Variants in FAF1 observed in about 807,000 individuals in gnomAD.
The protein encoded by FAF1 is Fas associated factor 1.
In FAF1, 25 loss-of-function variants were observed where a neutral mutation model predicts 92.5. That is an observed-to-expected ratio of 0.27 (90% CI 0.20 to 0.38). FAF1 has a LOEUF of 0.38. Ranked by LOEUF, FAF1 falls within the 10% of genes least tolerant of loss-of-function variation. The pLI is 1.00. For synonymous variants in FAF1, 234 were observed against 273.2 expected, an observed-to-expected ratio of 0.86 and a Z score of 1.42; for missense variants, 636 against 793.3, an observed-to-expected ratio of 0.80 and a Z score of 2.38.
chr1:50,939,976 T>C (rs1187602121), intron 1 of FAF1, among the ~76,000 whole-genome samples: 2 of 152,230 alleles, frequency 1.3e-5, no homozygotes, highest in Non-Finnish European at 2.9e-5. Flanking sequence ...AGTGGCATGA[T>C]CTCAGCTCAC....
intron 13 of FAF1, among the ~76,000 whole-genome samples, chr1:50,565,662 C>T (rs1019825488): frequency 2.0e-5 from 3 of 151,924 alleles, no homozygotes; most frequent in Admixed American, 6.6e-5. Context: ...AAAAAAGAAA[C>T]CCTCAAACAC....
chr1:50,770,266 C>T (rs983467829), intron 4 of FAF1, among the ~76,000 whole-genome samples: 17 of 152,196 alleles, frequency 1.1e-4, no homozygotes, highest in Middle Eastern at 3.4e-3. Context: ...AGCAATCAGG[C>T]AAGAGAAAGA....
intron 1 of FAF1, among the ~76,000 whole-genome samples, chr1:50,909,416 T>C (rs1644866321): frequency 6.6e-6 from 1 of 152,242 alleles, no homozygotes; most frequent in Non-Finnish European, 1.5e-5. Flanking sequence ...ATTTGAATGT[T>C]GGCCTGCCTT....
At chr1:50,584,589 GGTCA>G (rs894211617) in intron 10 of FAF1, 92 bp downstream of exon 10, 2 of 1,178,210 alleles carry the variant, frequency 1.7e-6, no homozygotes, top group African/African-American at 3.1e-5. Context: ...CAAACCTGGA[GGTCA>G]GTAAGAGATG....
intron 1 of FAF1, among the ~76,000 whole-genome samples, chr1:50,862,895 T>C (rs1280330502): frequency 6.6e-6 from 1 of 151,868 alleles, no homozygotes; most frequent in Non-Finnish European, 1.5e-5. Flanking sequence ...ATAAAAGCTC[T>C]AGGAAATGAG....
rs547013841 is a variant in FAF1, at chr1:50,560,120, G to A, written c.1268+6957C>T. Among the ~76,000 whole-genome samples the A allele has an allele frequency of 3.9e-5, 6 of 152,294 alleles. No homozygotes were observed. In the South Asian group the frequency reaches 1.2e-3, roughly 32 times the overall value. ...GCTATATTTGCCAGATCAAATGGAA[G>A]TGTAGGGTTAGAGTAACATGGTCAG... On this transcript the variant is annotated intron_variant, in intron 13 of 18. Transcript: ENST00000396153.
At chr1:50,629,223 G>A (rs898922268) in intron 8 of FAF1, among the ~76,000 whole-genome samples, 3 of 144,254 alleles carry the variant, frequency 2.1e-5, no homozygotes, top group African/African-American at 7.9e-5. Flanking sequence ...AGGCTGGAGT[G>A]CAATGGTGCG....
intron 8 of FAF1, among the ~76,000 whole-genome samples, chr1:50,604,820 C>T (rs1047940928): frequency 6.6e-6 from 1 of 152,216 alleles, no homozygotes; most frequent in Non-Finnish European, 1.5e-5. Context: ...CCACCACACC[C>T]AGCCAGCTAT....
At chr1:50,779,594 T>C (rs867651497) in intron 4 of FAF1, among the ~76,000 whole-genome samples, 12 of 151,378 alleles carry the variant, frequency 7.9e-5, no homozygotes, top group Middle Eastern at 3.4e-3. Flanking sequence ...ATATATAAAA[T>C]ACTCTATAAA....
intron 1 of FAF1, among the ~76,000 whole-genome samples, chr1:50,943,796 A>C (rs754745948): frequency 2.6e-5 from 4 of 152,230 alleles, no homozygotes; most frequent in African/African-American, 4.8e-5. Flanking sequence ...AGGAAGGTCC[A>C]TGTTTCTAGG....
At chr1:50,858,068 T>A (rs1443439376) in intron 1 of FAF1, 71 bp from the exon 2 acceptor site, 39 of 1,012,380 alleles carry the variant, frequency 3.9e-5, no homozygotes, top group Non-Finnish European at 5.4e-5. Context: ...CTTAAAAATG[T>A]AAATAGCATA....
intron 2 of FAF1, among the ~76,000 whole-genome samples, chr1:50,841,119 C>T (rs1320199938): frequency 3.9e-5 from 6 of 151,916 alleles, no homozygotes; most frequent in South Asian, 2.1e-4. Context: ...AAAGATGTGG[C>T]GCAGCAATGG....
At chr1:50,659,014 G>A (rs946884008) in intron 7 of FAF1, among the ~76,000 whole-genome samples, 1 of 150,560 alleles carries the variant, frequency 6.6e-6, no homozygotes, top group Non-Finnish European at 1.5e-5. Flanking sequence ...TTTATTGATG[G>A]TTATATTTAA....
chr1:50,795,111 T>C (rs1422722587), intron 3 of FAF1, among the ~76,000 whole-genome samples: 3 of 152,182 alleles, frequency 2.0e-5, no homozygotes. Context: ...AGGTTAAGCA[T>C]GGACACCACA....
chr1:50,671,282 G>A (rs114810178), intron 7 of FAF1, among the ~76,000 whole-genome samples: 1,997 of 151,926 alleles, frequency 0.013, 40 homozygotes, highest in African/African-American at 0.043. Flanking sequence ...GTACGAACCT[G>A]TAATCCCAGT....
intron 1 of FAF1, among the ~76,000 whole-genome samples, chr1:50,938,287 G>T (rs1211073634): frequency 6.6e-6 from 1 of 152,188 alleles, no homozygotes; most frequent in Non-Finnish European, 1.5e-5. Context: ...CCCTGGCCAG[G>T]AGGGAGCTCC....
At chr1:50,705,733 A>G in intron 7 of FAF1, 53 bp downstream of exon 7, 1 of 985,900 alleles carries the variant, frequency 1.0e-6, no homozygotes, top group Admixed American at 1.8e-5. Context: ...TAACAGGGTC[A>G]ACATTAGCTA....
At chr1:50,872,901 A>G (rs988652750) in intron 1 of FAF1, among the ~76,000 whole-genome samples, 7 of 111,692 alleles carry the variant, frequency 6.3e-5, no homozygotes, top group Non-Finnish European at 9.3e-5. Context: ...CTCCGTCTGG[A>G]AAAAAAAAAA....
At chr1:50,453,129 C>T (rs1371748165) in intron 18 of FAF1, among the ~76,000 whole-genome samples, 2 of 152,170 alleles carry the variant, frequency 1.3e-5, no homozygotes, top group African/African-American at 4.8e-5. Flanking sequence ...CAATGAAAGA[C>T]GTGGCTGGAA....
Sources: allele counts gnomAD v4.1 joint callset (sites outside exome capture counted in the v4.1 genomes callset), GRCh38; gene constraint gnomAD v4.1.1; transcripts MANE v1.5; gene names NCBI Gene and HGNC (gene_info 2026-07-23, HGNC 2026-07-21).